Variants in TMEM229B observed in about 807,000 individuals in gnomAD.
TMEM229B encodes transmembrane protein 229B.
A neutral mutation model predicts 13.7 loss-of-function variants in TMEM229B; 6 were observed. The ratio of observed to expected loss-of-function variants is 0.44; its 90% CI spans 0.24 to 0.86. TMEM229B has a LOEUF of 0.86. Among genes scored for constraint, TMEM229B ranks in the 40% least tolerant of loss-of-function variants. The probability of loss-of-function intolerance (pLI) is 0.23; values close to 1 mark genes in which losing one functional copy is unlikely to be tolerated. For missense variants in TMEM229B, 170 were observed against 236.0 expected, an observed-to-expected ratio of 0.72 and a Z score of 1.83; for synonymous variants, 107 against 102.1, an observed-to-expected ratio of 1.05 and a Z score of -0.29.
intron 1 of TMEM229B, among the ~76,000 whole-genome samples, chr14:67,508,606 G>C (rs2032912959): frequency 6.6e-6 from 1 of 151,560 alleles, no homozygotes; most frequent in South Asian, 2.1e-4. Flanking sequence ...GAAGAGGCCA[G>C]GTGTAGTTCT....
chr14:67,507,837 G>A (rs935753671), intron 1 of TMEM229B, among the ~76,000 whole-genome samples: 2 of 152,086 alleles, frequency 1.3e-5, no homozygotes, highest in Admixed American at 6.6e-5. Context: ...CCACTGAAGC[G>A]GTTAAAAGAG....
chr14:67,503,982 G>A (rs970351299), intron 1 of TMEM229B, among the ~76,000 whole-genome samples: 1 of 150,718 alleles, frequency 6.6e-6, no homozygotes, highest in South Asian at 2.1e-4. Flanking sequence ...GATTACAGGC[G>A]TGAGCCACTG....
chr14:67,491,308 T>C (rs1290642725), upstream of TMEM229B, among the ~76,000 whole-genome samples: 1 of 152,176 alleles, frequency 6.6e-6, no homozygotes, highest in East Asian at 1.9e-4. Flanking sequence ...TCAAATCTTA[T>C]TCAAGAGTTT....
At chr14:67,481,336 T>C (rs1202046757) in intron 2 of TMEM229B, among the ~76,000 whole-genome samples, 1 of 151,850 alleles carries the variant, frequency 6.6e-6, no homozygotes, top group African/African-American at 2.4e-5. Context: ...GAGAGAGAAA[T>C]ATGGTGTGCC....
chr14:67,508,035 G>A (rs1289481908), intron 1 of TMEM229B, among the ~76,000 whole-genome samples: 2 of 151,908 alleles, frequency 1.3e-5, no homozygotes, highest in Non-Finnish European at 1.5e-5. Flanking sequence ...CTACTCGGGA[G>A]GCTGAGGCAG....
At chr14:67,489,822 C>CT (rs2032086173), upstream of TMEM229B, among the ~76,000 whole-genome samples, 1 of 152,170 alleles carries the variant, frequency 6.6e-6, no homozygotes, top group African/African-American at 2.4e-5. Flanking sequence ...AACCCCATCT[C>CT]TACTAAAAGC....
chr14:67,524,155 A>G (rs1566709209), intron 1 of TMEM229B, among the ~76,000 whole-genome samples: 1 of 152,284 alleles, frequency 6.6e-6, no homozygotes, highest in East Asian at 1.9e-4. Context: ...TTTTTTAATA[A>G]GTGAAATCTC....
intron 1 of TMEM229B, among the ~76,000 whole-genome samples, chr14:67,514,343 C>T (rs899189205): frequency 2.0e-5 from 3 of 152,118 alleles, no homozygotes; most frequent in Non-Finnish European, 4.4e-5. Flanking sequence ...GGGAAAGAGG[C>T]CAATGTCTCC....
At chr14:67,489,030 G>A (rs368722490), upstream of TMEM229B, among the ~76,000 whole-genome samples, 14 of 152,268 alleles carry the variant, frequency 9.2e-5, no homozygotes, top group East Asian at 2.7e-3. Flanking sequence ...CCAGGGGACA[G>A]GGGACATGAG....
At position 67,473,401 on chromosome 14, in the gene TMEM229B, C is replaced by A; in HGVS notation, c.*19G>T. ...ATGAGTTCCATGAGAGATCCCCAGG[C>A]CCCCCACCCGCTTCCTGCTCAGTCA... is the stretch of plus-strand genomic sequence containing the variant. On this transcript the variant is annotated 3_prime_UTR_variant, in exon 3 of 3. Coordinates refer to ENST00000554480, the MANE Select transcript of TMEM229B (RefSeq NM_001348543.2). This position sits in a 1 kb window ranked among gnomAD's most constrained non-coding sequence, Gnocchi z 6.5. 6.2e-7 allele frequency: 1 copy of A among 1,608,984 alleles called. No individual in the cohort carries two copies. The highest frequency in any genetic ancestry group is 1.8e-4 in the Middle Eastern group (1 of 5,624).
Position 67,473,715 on chromosome 14 carries a change from C to T in TMEM229B, c.209G>A (p.Arg70His), listed in dbSNP as rs775807942. ...VERMYLRLRG[R>H]CPLLLRCLIY... ...GAGGCAGCGCAGGAGCAGCGGGCAG[C>T]GGCCGCGCAGCCGCAGGTACATGCG... The change falls in exon 3 of 3, where the codon CGC becomes CAC. Residue 70 changes from arginine (R) to histidine (H), a missense_variant. Physicochemically the swap from Arg to His is conservative, Grantham distance 29. Transcript: ENST00000554480. This position sits in a 1 kb window ranked among gnomAD's most constrained non-coding sequence, Gnocchi z 6.5. 25 of 1,602,078 alleles carry T rather than the reference C, an allele frequency of 1.6e-5. No individual in the cohort carries two copies. The highest frequency in any genetic ancestry group is 3.3e-4 in the Middle Eastern group (2 of 6,056).
chr14:67,521,471 A>G (rs2033290113), intron 1 of TMEM229B, among the ~76,000 whole-genome samples: 1 of 152,154 alleles, frequency 6.6e-6, no homozygotes, highest in Non-Finnish European at 1.5e-5. Flanking sequence ...TCCATGTGGG[A>G]AAGGGGTAGG....
Position 67,473,077 on chromosome 14 carries a change from T to G in TMEM229B, c.*343A>C. On this transcript the variant is annotated 3_prime_UTR_variant, in exon 3 of 3. Transcript: ENST00000554480. The surrounding 1 kb of genome is among the most constrained non-coding windows in gnomAD (Gnocchi z 6.5). Reference sequence around the variant, plus strand: ...GCCTTGCCTCCCACCTGCGGCCCCATTCTCATTGTCCCTTGGCCAGGACAG... The same window carrying G: ...GCCTTGCCTCCCACCTGCGGCCCCAGTCTCATTGTCCCTTGGCCAGGACAG... 3.6e-6 allele frequency: 1 copy of G among 274,648 alleles called. No homozygotes were observed. The highest frequency in any genetic ancestry group is 7.0e-6 in the Non-Finnish European group (1 of 143,392). 17.0% of individuals were successfully genotyped at this position (274,648 alleles called of 1,614,324 possible).
At chr14:67,485,552 G>C (rs1239573502) in intron 2 of TMEM229B, among the ~76,000 whole-genome samples, 1 of 152,198 alleles carries the variant, frequency 6.6e-6, no homozygotes, top group Non-Finnish European at 1.5e-5. Flanking sequence ...AAAAAAGCTT[G>C]TCTGTTCAAG....
At chr14:67,475,635 T>C (rs57498498) in intron 2 of TMEM229B, among the ~76,000 whole-genome samples, 11,637 of 152,282 alleles carry the variant, frequency 0.076, 503 homozygotes, top group African/African-American at 0.11. Flanking sequence ...TTGTCTTTGC[T>C]CCATTAAATG....
At chr14:67,488,952 C>T (rs1045928562), upstream of TMEM229B, among the ~76,000 whole-genome samples, 1 of 152,178 alleles carries the variant, frequency 6.6e-6, no homozygotes, top group Non-Finnish European at 1.5e-5. Context: ...TGATGGTGCA[C>T]CTCTCCCTCC....
At position 67,479,705 on chromosome 14, in the gene TMEM229B, G is replaced by T. The variant is rs553399589; in HGVS notation, c.-18-5764C>A. ...TGCACTCTAGCCTAGGTGACAGAGT[G>T]AGACTCCGTCTCAAAAAAGGAAAAA... On this transcript the variant is annotated intron_variant, in intron 2 of 2. Transcript: ENST00000554480. Among the ~76,000 whole-genome samples, 70 of 152,242 alleles carry T rather than the reference G, an allele frequency of 4.6e-4. 1 individual carries two copies. The South Asian group carries it at 0.014, about 31-fold the overall frequency.
chr14:67,520,186 T>A (rs148246032), upstream of TMEM229B, among the ~76,000 whole-genome samples: 560 of 152,328 alleles, frequency 3.7e-3, 2 homozygotes, highest in African/African-American at 0.013. Context: ...CTTTGACATA[T>A]CATTATCACC....
At chr14:67,515,644 C>G (rs2140258771), upstream of TMEM229B, among the ~76,000 whole-genome samples, 1 of 152,170 alleles carries the variant, frequency 6.6e-6, no homozygotes, top group Non-Finnish European at 1.5e-5. Context: ...GCGCAGGTGG[C>G]TGCGGTGCAG....
Sources: gnomAD v4.1 joint callset for allele counts (sites outside exome capture counted in the v4.1 genomes callset) on GRCh38, gnomAD v4.1.1 for gene constraint, Gnocchi (gnomAD v3.1) non-coding constraint, MANE v1.5 for transcripts, NCBI Gene and HGNC (gene_info 2026-07-23, HGNC 2026-07-21) for gene names.